The following SOX5 variants were observed in gnomAD, a reference collection of about 807,000 sequenced individuals.
SOX5 encodes transcription factor SOX-5.
Under a neutral mutation model 92.0 loss-of-function variants are expected in SOX5, and 9 were observed. The ratio of observed to expected loss-of-function variants is 0.10; its 90% CI spans 0.06 to 0.17. The LOEUF (loss-of-function observed/expected upper bound fraction) is 0.17. SOX5 is among the 10% of genes least tolerant of loss of function. The probability of loss-of-function intolerance (pLI) is 1.00; values close to 1 mark genes in which losing one functional copy is unlikely to be tolerated. For synonymous variants in SOX5, 344 were observed against 336.3 expected (o/e 1.02, Z -0.25); for missense variants, 642 against 944.5 (o/e 0.68, Z 4.20).
At chr12:24,378,397 C>G (rs1204906716) in intron 1 of SOX5, among the ~76,000 whole-genome samples, 1 of 152,146 alleles carries the variant, frequency 6.6e-6, no homozygotes, top group Non-Finnish European at 1.5e-5. Context: ...TATAGAAAAA[C>G]ATACATAATT....
At chr12:23,840,517 A>G (rs1370799668) in intron 3 of SOX5, among the ~76,000 whole-genome samples, 1 of 152,164 alleles carries the variant, frequency 6.6e-6, no homozygotes. Context: ...CAGACCCAGG[A>G]CACCAACACA....
chr12:23,689,030 G>C (rs999843286), intron 6 of SOX5, among the ~76,000 whole-genome samples: 1 of 152,130 alleles, frequency 6.6e-6, no homozygotes, highest in Non-Finnish European at 1.5e-5. Context: ...CCAAGCTAGT[G>C]TAAGCTCATT....
intron 4 of SOX5, among the ~76,000 whole-genome samples, chr12:23,964,848 G>T (rs893105530): frequency 6.6e-5 from 10 of 152,062 alleles, no homozygotes; most frequent in African/African-American, 1.9e-4. Context: ...TTAATTTATG[G>T]CCCACCTTGA....
intron 4 of SOX5, among the ~76,000 whole-genome samples, chr12:24,162,671 C>T (rs1206175701): frequency 6.6e-6 from 1 of 152,122 alleles, no homozygotes; most frequent in Non-Finnish European, 1.5e-5. Context: ...GGAAAACAAA[C>T]TATGGCTAAC....
chr12:23,801,059 T>C (rs1176719565), intron 3 of SOX5, among the ~76,000 whole-genome samples: 1 of 152,182 alleles, frequency 6.6e-6, no homozygotes, highest in Non-Finnish European at 1.5e-5. Context: ...TCTTCGGATG[T>C]ATTTTCACAA....
At chr12:24,347,375 C>T (rs972592225) in intron 2 of SOX5, among the ~76,000 whole-genome samples, 2 of 152,018 alleles carry the variant, frequency 1.3e-5, no homozygotes, top group African/African-American at 4.8e-5. Flanking sequence ...TCAAGGATAA[C>T]CAGGGATGAC....
At chr12:23,898,927 C>A (rs1386122075) in intron 1 of SOX5, among the ~76,000 whole-genome samples, 1 of 151,870 alleles carries the variant, frequency 6.6e-6, no homozygotes, top group Non-Finnish European at 1.5e-5. Context: ...GCTACTAAGT[C>A]AGAAAAGTAA....
chr12:24,399,511 T>C (rs1316978100), intron 1 of SOX5, among the ~76,000 whole-genome samples: 1 of 152,232 alleles, frequency 6.6e-6, no homozygotes, highest in African/African-American at 2.4e-5. Context: ...CTTGGAATTA[T>C]AAAACCGTGA....
chr12:24,040,475 A>G (rs1956412373), intron 4 of SOX5, among the ~76,000 whole-genome samples: 2 of 152,252 alleles, frequency 1.3e-5, no homozygotes, highest in African/African-American at 2.4e-5. Flanking sequence ...TGGTTGTTCA[A>G]AAACTACATG....
chr12:24,364,423 G>C (rs1279787896), intron 2 of SOX5, among the ~76,000 whole-genome samples: 1 of 149,714 alleles, frequency 6.7e-6, no homozygotes, highest in East Asian at 2.0e-4. Flanking sequence ...AGGACTACAA[G>C]AATGACATAA....
intron 1 of SOX5, among the ~76,000 whole-genome samples, chr12:23,896,569 G>A (rs1190629741): frequency 2.0e-5 from 3 of 152,034 alleles, no homozygotes; most frequent in African/African-American, 7.2e-5. Context: ...CTGACAGAAA[G>A]TTTAATATTT....
chr12:23,960,571 G>A (rs898821796), intron 4 of SOX5, among the ~76,000 whole-genome samples: 9 of 133,706 alleles, frequency 6.7e-5, no homozygotes, highest in Non-Finnish European at 1.1e-4. Flanking sequence ...TAATAGCAAA[G>A]GATTACTAAG....
chr12:24,208,505 A>G (rs73058427), intron 4 of SOX5, among the ~76,000 whole-genome samples: 5 of 152,308 alleles, frequency 3.3e-5, no homozygotes, highest in Non-Finnish European at 7.4e-5. Context: ...ATCCTTGGCA[A>G]TCTTCCCACT....
At chr12:23,851,067 A>T (rs1191259620) in intron 2 of SOX5, among the ~76,000 whole-genome samples, 1 of 151,930 alleles carries the variant, frequency 6.6e-6, no homozygotes, top group Non-Finnish European at 1.5e-5. Context: ...ATTTTAAAAA[A>T]CCAGTTGCTT....
chr12:23,967,181 A>C (rs1947688967), intron 4 of SOX5, among the ~76,000 whole-genome samples: 2 of 152,138 alleles, frequency 1.3e-5, no homozygotes, highest in South Asian at 4.1e-4. Flanking sequence ...GCATACACAC[A>C]CAGTAAGGAA....
chr12:24,044,798 T>C (rs1956841913), intron 4 of SOX5, among the ~76,000 whole-genome samples: 1 of 152,198 alleles, frequency 6.6e-6, no homozygotes, highest in South Asian at 2.1e-4. Flanking sequence ...GTGCCTGACA[T>C]GTAGCAAGCA....
intron 1 of SOX5, among the ~76,000 whole-genome samples, chr12:23,901,413 A>G (rs2097231277): frequency 1.3e-5 from 2 of 152,242 alleles, no homozygotes; most frequent in Non-Finnish European, 2.9e-5. Context: ...GATTTGTTAC[A>G]GCAGCAATAA....
intron 4 of SOX5, among the ~76,000 whole-genome samples, chr12:24,053,054 T>G (rs1957716600): frequency 6.6e-6 from 1 of 152,198 alleles, no homozygotes; most frequent in Non-Finnish European, 1.5e-5. Context: ...TAGAGATGAC[T>G]TTTCCACATT....
chr12:24,013,605 T>C (rs989270639), intron 4 of SOX5, among the ~76,000 whole-genome samples: 1 of 152,138 alleles, frequency 6.6e-6, no homozygotes, highest in South Asian at 2.1e-4. Context: ...GAGAAGACCC[T>C]TGCGGAGGGT....
Sources: gnomAD v4.1 joint callset for allele counts (sites outside exome capture counted in the v4.1 genomes callset) on GRCh38, gnomAD v4.1.1 for gene constraint, MANE v1.5 for transcripts, NCBI Gene and HGNC (gene_info 2026-07-23, HGNC 2026-07-21) for gene names.